ARHGEF4: variants seen among roughly 807,000 people sequenced by gnomAD.
The protein encoded by ARHGEF4 is Rho guanine nucleotide exchange factor 4.
ARHGEF4 carries 119 observed loss-of-function variants against 162.0 expected under a neutral mutation model. The observed-to-expected ratio is 0.73, with a 90% confidence interval of 0.63 to 0.86. The LOEUF is 0.86. ARHGEF4 is among the 40% of genes least tolerant of loss of function. The pLI is 0.00. For synonymous variants in ARHGEF4, 1,014 were observed against 979.9 expected (o/e 1.03, Z -0.65); for missense variants, 2,488 against 2,456.0 (o/e 1.01, Z -0.28).
rs146970275 is a variant in ARHGEF4, at chr2:130,946,635, G to A, written c.3985G>A (p.Ala1329Thr). ...CTGGCCAGAGCACACACCAGGCACT[G>A]GTGAGTTACGCGCCTCTCTCTTTTG... ...MGWPEHTPGT[A>T]MPDGALDTAV... Residue 1329 changes from alanine to threonine, a missense_variant and splice_region_variant, in exon 4 of 14, where the codon GCC (alanine) becomes ACC (threonine). By Grantham distance (58) the Ala-to-Thr change is moderately conservative (BLOSUM62 0). This residue lies in a region of ARHGEF4 where 1,642 missense variants were observed against 1,481.5 expected (regional missense o/e 1.11). Transcript: ENST00000409359. The A allele has an allele frequency of 7.0e-4, 1,133 of 1,613,878 alleles. 3 individuals carry two copies. Among genetic ancestry groups the A allele is most frequent in the Non-Finnish European group, 9.1e-4 (1,075 of 1,179,852 alleles).
intron 4 of ARHGEF4, chr2:131,011,753 C>G: frequency 2.9e-6 from 3 of 1,036,170 alleles, no homozygotes; most frequent in Non-Finnish European, 2.9e-6. Flanking sequence ...GACTGTCACT[C>G]TGAAGCAGCT....
At chr2:130,945,136 G>T (rs1483637602) in intron 3 of ARHGEF4, among the ~76,000 whole-genome samples, 1 of 152,022 alleles carries the variant, frequency 6.6e-6, no homozygotes, top group Non-Finnish European at 1.5e-5. Context: ...CAGCTTGGGG[G>T]TAAGTGCGGG....
intron 1 of ARHGEF4, among the ~76,000 whole-genome samples, chr2:130,851,125 C>G (rs1013334475): frequency 2.6e-5 from 4 of 152,270 alleles, no homozygotes; most frequent in Admixed American, 2.0e-4. Flanking sequence ...ACACCGGCGT[C>G]CTGACCGCTG....
intron 2 of ARHGEF4, among the ~76,000 whole-genome samples, chr2:130,923,547 G>C (rs1011292601): frequency 6.6e-6 from 1 of 152,240 alleles, no homozygotes; most frequent in African/African-American, 2.4e-5. Flanking sequence ...TTGTGGGCGG[G>C]CAATGTTCTA....
chr2:131,030,209 T>C (rs1289191246), intron 5 of ARHGEF4, among the ~76,000 whole-genome samples: 1 of 150,882 alleles, frequency 6.6e-6, no homozygotes, highest in African/African-American at 2.4e-5. Context: ...GATAAAATTA[T>C]GGATTGTCAC....
At chr2:131,014,406 T>G (rs1688649741) in intron 4 of ARHGEF4, among the ~76,000 whole-genome samples, 1 of 152,220 alleles carries the variant, frequency 6.6e-6, no homozygotes, top group Non-Finnish European at 1.5e-5. Flanking sequence ...AAGTCTTGTT[T>G]GTACATGAAG....
At chr2:130,950,694 C>G (rs180959818) in intron 4 of ARHGEF4, among the ~76,000 whole-genome samples, 6,003 of 148,012 alleles carry the variant, frequency 0.041, 161 homozygotes, top group Middle Eastern at 0.072. Context: ...TTACCCCCCA[C>G]CACCACCCGA....
intron 1 of ARHGEF4, among the ~76,000 whole-genome samples, chr2:130,846,816 A>G (rs953459371): frequency 6.6e-6 from 1 of 152,160 alleles, no homozygotes; most frequent in Non-Finnish European, 1.5e-5. Context: ...CTGTGCTCAG[A>G]CATGAGTCCG....
rs955563285 is a variant in ARHGEF4, at chr2:130,867,385, G to A, written c.39+30393G>A. ...TCTTGAGTACTGGGATTACAGGTGC[G>A]TGCCACTGCGCCTGGCTAATTTTTG... On this transcript the variant is annotated intron_variant, in intron 1 of 13. Transcript: ENST00000409359. 5.9e-5 allele frequency among the ~76,000 whole-genome samples: 9 copies of A among 151,862 alleles called. No homozygotes were observed. The South Asian group carries it at 8.4e-4, about 14-fold the overall frequency.
In ARHGEF4 at chr2:131,046,258, C is replaced by G; in HGVS notation, c.*69C>G. 1 of 1,485,082 alleles carries G rather than the reference C, an allele frequency of 6.7e-7. No homozygotes were observed. Among genetic ancestry groups the G allele is most frequent in the Non-Finnish European group, 9.1e-7 (1 of 1,095,094 alleles). The allele number at this position is 1,485,082 out of a possible 1,614,324, so 92.0% of individuals were successfully genotyped here. A position where few individuals can be genotyped will look rare whatever the true frequency, so the allele number is the denominator to read the frequency against. ...GGCCCCCAGTTTTTCTTCCCCGAGGCCCACTCGGCCTGGCCTTCCTCTGCC... is the reference window on the plus strand; with the variant it reads ...GGCCCCCAGTTTTTCTTCCCCGAGGGCCACTCGGCCTGGCCTTCCTCTGCC... On this transcript the variant is annotated 3_prime_UTR_variant, in exon 14 of 14. Coordinates refer to ENST00000409359, the MANE Select transcript of ARHGEF4 (RefSeq NM_001367493.1).
At position 130,930,907 on chromosome 2, in the gene ARHGEF4, T is replaced by C. The variant is rs1330497967; in HGVS notation, c.3553-45T>C. On this transcript the variant is annotated intron_variant, in intron 2 of 13. Transcript: ENST00000409359. ...AAGGACAGCGTGTTCCCAGTTGATATGTCCTTTGACCTCTGACCCCTGACC... is the reference window on the plus strand; with the variant it reads ...AAGGACAGCGTGTTCCCAGTTGATACGTCCTTTGACCTCTGACCCCTGACC... 10 of 1,544,436 alleles carry C rather than the reference T, an allele frequency of 6.5e-6. No individual in the cohort carries two copies. In the East Asian group the frequency reaches 2.3e-4, roughly 35 times the overall value.
intron 1 of ARHGEF4, among the ~76,000 whole-genome samples, chr2:130,877,113 T>C (rs530025157): frequency 2.6e-5 from 4 of 152,290 alleles, no homozygotes; most frequent in African/African-American, 7.2e-5. Context: ...TCTCCGTGCA[T>C]GCCCTCCAGC....
intron 1 of ARHGEF4, among the ~76,000 whole-genome samples, chr2:130,910,698 G>A (rs996804916): frequency 2.6e-5 from 4 of 152,056 alleles, no homozygotes; most frequent in Admixed American, 6.5e-5. Flanking sequence ...CCTTTCAAAC[G>A]CCCATGGGAC....
At position 131,015,194 on chromosome 2, in the gene ARHGEF4, C is replaced by T. The variant is rs761344200; in HGVS notation, c.3986-12751C>T. ...TCAGTTTCTCCCAGGAGGGCCCAGA[C>T]GCAGGTCTCTGCAGCAGAGCGCATT... On this transcript the variant is annotated intron_variant, in intron 4 of 13. Transcript: ENST00000409359. Among the ~76,000 whole-genome samples the T allele has an allele frequency of 5.3e-5, 8 of 152,186 alleles. No individual in the cohort carries two copies. In the South Asian group the frequency reaches 1.0e-3, roughly 20 times the overall value.
intron 1 of ARHGEF4, among the ~76,000 whole-genome samples, chr2:130,854,007 G>A (rs1205908453): frequency 6.6e-6 from 1 of 152,152 alleles, no homozygotes; most frequent in Non-Finnish European, 1.5e-5. Flanking sequence ...TCTGTCAAAT[G>A]GGAATGTCCT....
intron 4 of ARHGEF4, among the ~76,000 whole-genome samples, chr2:131,009,689 T>C (rs939971010): frequency 6.6e-6 from 1 of 152,222 alleles, no homozygotes; most frequent in Non-Finnish European, 1.5e-5. Context: ...GAATTTCTAT[T>C]TGATTCTTTG....
At chr2:131,015,613 G>C (rs549751637) in intron 4 of ARHGEF4, among the ~76,000 whole-genome samples, 1 of 152,332 alleles carries the variant, frequency 6.6e-6, no homozygotes, top group East Asian at 1.9e-4. Context: ...GCTAGTCTGG[G>C]TGCAAGTGGC....
intron 10 of ARHGEF4, among the ~76,000 whole-genome samples, 158 bp downstream of exon 10, chr2:131,042,102 G>A (rs1397078975): frequency 1.3e-5 from 2 of 152,234 alleles, no homozygotes; most frequent in Non-Finnish European, 2.9e-5. Context: ...TCCCCAGCGT[G>A]GGCTCTGGAC....
chr2:131,000,109 A>T lies in ARHGEF4; in HGVS notation c.3986-27836A>T, dbSNP rs191565277. Among the ~76,000 whole-genome samples, 752 of 152,380 alleles carry T rather than the reference A, an allele frequency of 4.9e-3. 12 individuals are homozygous for T. The highest frequency in any genetic ancestry group is 0.017 in the African/African-American group (714 of 41,596). On this transcript the variant is annotated intron_variant, in intron 4 of 13. Coordinates refer to ENST00000409359, the MANE Select transcript of ARHGEF4 (RefSeq NM_001367493.1). ...TGTTTTCAGTGTTTTAAATAAAAAGATAAAAAAGAAGAAAGTTCTTTTTTG... is the reference window on the plus strand; with the variant it reads ...TGTTTTCAGTGTTTTAAATAAAAAGTTAAAAAAGAAGAAAGTTCTTTTTTG...
Sources: allele counts gnomAD v4.1 joint callset (sites outside exome capture counted in the v4.1 genomes callset), GRCh38; gene constraint gnomAD v4.1.1; regional missense constraint gnomAD v4.1.1; transcripts MANE v1.5; gene names NCBI Gene and HGNC (gene_info 2026-07-23, HGNC 2026-07-21).